The following TBC1D22A variants were observed in gnomAD, a reference collection of about 807,000 sequenced individuals.
TBC1D22A encodes TBC1 domain family member 22A.
A neutral mutation model predicts 60.2 loss-of-function variants in TBC1D22A; 38 were observed. The observed-to-expected ratio is 0.63, with a 90% confidence interval of 0.49 to 0.83. The LOEUF (loss-of-function observed/expected upper bound fraction) is 0.83, where lower values mean the gene tolerates loss of function less well. Ranked by LOEUF, TBC1D22A falls within the 40% of genes least tolerant of loss-of-function variation. TBC1D22A has a pLI of 0.00. For synonymous variants in TBC1D22A, 302 were observed against 281.7 expected (o/e 1.07, Z -0.72); for missense variants, 628 against 701.0 (o/e 0.90, Z 1.18).
intron 8 of TBC1D22A, among the ~76,000 whole-genome samples, chr22:46,941,418 AATATACACG>A (rs2072064815): frequency 1.2e-5 from 1 of 82,870 alleles, no homozygotes; most frequent in African/African-American, 4.5e-5. Context: ...ATATATACGG[AATATACACG>A]GAATATATAT....
chr22:46,869,817 G>GA (rs2067222831), intron 4 of TBC1D22A, among the ~76,000 whole-genome samples: 1 of 152,092 alleles, frequency 6.6e-6, no homozygotes, highest in Non-Finnish European at 1.5e-5. Context: ...TGAATCTTAA[G>GA]AAAAAAAGAC....
chr22:46,976,899 C>T (rs2148143173), intron 9 of TBC1D22A, among the ~76,000 whole-genome samples: 1 of 152,332 alleles, frequency 6.6e-6, no homozygotes, highest in Non-Finnish European at 1.5e-5. Flanking sequence ...GGGGGCTCTT[C>T]CTCACCAGGA....
chr22:46,870,370 G>A (rs1439078751), intron 4 of TBC1D22A, among the ~76,000 whole-genome samples: 1 of 152,096 alleles, frequency 6.6e-6, no homozygotes, highest in East Asian at 1.9e-4. Flanking sequence ...TGATTTTGGT[G>A]GTGTTTTCCT....
intron 7 of TBC1D22A, among the ~76,000 whole-genome samples, chr22:46,895,664 G>A (rs1266187517): frequency 6.6e-6 from 1 of 152,176 alleles, no homozygotes; most frequent in Non-Finnish European, 1.5e-5. Context: ...GAGCCACGGC[G>A]CCCGGCGTCT....
chr22:47,063,463 C>A (rs73471688), intron 11 of TBC1D22A, among the ~76,000 whole-genome samples: 3 of 152,096 alleles, frequency 2.0e-5, no homozygotes, highest in Non-Finnish European at 4.4e-5. Context: ...GAGAGACCGG[C>A]GGGGGTGTGC....
Position 46,873,359 on chromosome 22 carries a change from G to A in TBC1D22A, c.638-5294G>A, listed in dbSNP as rs571212983. Among the ~76,000 whole-genome samples the A allele has an allele frequency of 7.2e-5, 11 of 152,136 alleles. No homozygotes were observed. In the East Asian group the frequency reaches 9.6e-4, roughly 13 times the overall value. On this transcript the variant is annotated intron_variant, in intron 4 of 12. Coordinates refer to ENST00000337137, the MANE Select transcript of TBC1D22A (RefSeq NM_014346.5). Reference sequence around the variant, plus strand: ...ATCACAATCAGATACCCTTTAACACGTACTAGAATGGCTAAAATAAAAAGA... The same window carrying A: ...ATCACAATCAGATACCCTTTAACACATACTAGAATGGCTAAAATAAAAAGA...
intron 12 of TBC1D22A, among the ~76,000 whole-genome samples, chr22:47,163,288 C>T (rs1223645741): frequency 1.3e-5 from 2 of 152,262 alleles, no homozygotes; most frequent in Non-Finnish European, 2.9e-5. Context: ...TGGGTCCCCT[C>T]CCAATGCCTG....
intron 11 of TBC1D22A, among the ~76,000 whole-genome samples, chr22:47,086,707 G>A (rs1000125852): frequency 3.3e-5 from 5 of 152,126 alleles, no homozygotes; most frequent in African/African-American, 9.7e-5. Context: ...TTCCTCGTAC[G>A]GTGAGAGGAA....
rs193108295 is a variant in TBC1D22A at position 47,044,126 on chromosome 22, G to C, written c.1329+6928G>C. On this transcript the variant is annotated intron_variant, in intron 11 of 12. Transcript: ENST00000337137. ...CCCACCCACATTCCATCAGGGCAGA[G>C]TAGGGGGCCGATTGCTGTGTCTGTC... is the stretch of plus-strand genomic sequence containing the variant. Among the ~76,000 whole-genome samples the C allele has an allele frequency of 2.0e-5, 3 of 152,328 alleles. No individual in the cohort carries two copies. The East Asian group carries it at 5.8e-4, about 29-fold the overall frequency.
At chr22:46,804,398 T>A (rs2146980671) in intron 4 of TBC1D22A, among the ~76,000 whole-genome samples, 1 of 152,374 alleles carries the variant, frequency 6.6e-6, no homozygotes, top group Non-Finnish European at 1.5e-5. Context: ...CTGTATTAAC[T>A]AGAGTTGTGC....
chr22:47,052,421 A>C (rs1159130486), intron 11 of TBC1D22A, among the ~76,000 whole-genome samples: 1 of 152,048 alleles, frequency 6.6e-6, no homozygotes, highest in African/African-American at 2.4e-5. Context: ...AGGAGGTGGG[A>C]GGCTGGGAAG....
intron 8 of TBC1D22A, among the ~76,000 whole-genome samples, chr22:46,912,824 G>A (rs2070050391): frequency 6.6e-6 from 1 of 152,174 alleles, no homozygotes; most frequent in South Asian, 2.1e-4. Flanking sequence ...CAAAGTGCTG[G>A]GATTATAGAC....
intron 12 of TBC1D22A, among the ~76,000 whole-genome samples, chr22:47,154,166 G>A (rs1222865607): frequency 2.0e-5 from 3 of 152,180 alleles, no homozygotes; most frequent in Admixed American, 6.5e-5. Context: ...CCTTCCTGCT[G>A]TTGAGGAACA....
chr22:46,920,836 TA>T (rs2070714293), intron 8 of TBC1D22A, among the ~76,000 whole-genome samples: 3 of 151,990 alleles, frequency 2.0e-5, no homozygotes, highest in Admixed American at 6.6e-5. Context: ...AGTCGTGCGA[TA>T]TCGGCTCACT....
At chr22:46,783,692 C>G (rs8140582) in intron 1 of TBC1D22A, among the ~76,000 whole-genome samples, 2,490 of 152,244 alleles carry the variant, frequency 0.016, 72 homozygotes, top group African/African-American at 0.057. Flanking sequence ...TTGCTCTCCT[C>G]TTCAGTGTTC....
intron 10 of TBC1D22A, among the ~76,000 whole-genome samples, chr22:47,024,192 A>T (rs545629965): frequency 6.6e-6 from 1 of 152,224 alleles, no homozygotes; most frequent in Admixed American, 6.5e-5. Flanking sequence ...CCTTACAGTC[A>T]CCGCTAACAT....
At chr22:46,843,663 A>G (rs562076534) in intron 4 of TBC1D22A, among the ~76,000 whole-genome samples, 1 of 152,114 alleles carries the variant, frequency 6.6e-6, no homozygotes, top group East Asian at 1.9e-4. Flanking sequence ...ATTGTTTATC[A>G]TCTGTTTTGG....
At chr22:47,132,991 A>G (rs5766687) in intron 12 of TBC1D22A, among the ~76,000 whole-genome samples, 110,806 of 152,102 alleles carry the variant, frequency 0.73, 40,728 homozygotes, top group East Asian at 0.97. Context: ...ATGACAGAAC[A>G]GCCACCACCG....
intron 4 of TBC1D22A, among the ~76,000 whole-genome samples, chr22:46,810,585 T>G (rs904532111): frequency 1.3e-5 from 2 of 152,212 alleles, no homozygotes; most frequent in African/African-American, 2.4e-5. Context: ...TTTTAAAAAC[T>G]TGAGGTGCAA....
Sources: allele counts gnomAD v4.1 joint callset (sites outside exome capture counted in the v4.1 genomes callset), GRCh38; gene constraint gnomAD v4.1.1; transcripts MANE v1.5; gene names NCBI Gene and HGNC (gene_info 2026-07-23, HGNC 2026-07-21).